IREB2: variants seen among roughly 807,000 people sequenced by gnomAD.
IREB2 encodes iron-responsive element-binding protein 2.
IREB2 carries 39 observed loss-of-function variants against 118.8 expected under a neutral mutation model. The observed-to-expected ratio is 0.33, with a 90% CI of 0.25 to 0.43. The LOEUF (loss-of-function observed/expected upper bound fraction) is 0.43. IREB2 is among the 20% of genes least tolerant of loss of function. The probability of loss-of-function intolerance (pLI) is 1.00; values close to 1 mark genes in which losing one functional copy is unlikely to be tolerated. For synonymous variants in IREB2, 372 were observed against 392.2 expected (o/e 0.95, Z 0.61); for missense variants, 900 against 1,147.3 (o/e 0.78, Z 3.11).
rs369597206 is a variant in IREB2 at position 78,497,172 on chromosome 15, A to G, written c.2642A>G (p.Asp881Gly). The G allele has an allele frequency of 1.9e-6, 3 of 1,613,948 alleles. No individual in the cohort carries two copies. Among genetic ancestry groups the G allele is most frequent in the Non-Finnish European group, 2.5e-6 (3 of 1,179,860 alleles). Residue 881 changes from aspartate (D) to glycine (G), a missense_variant, in exon 21 of 22, where the codon GAT (aspartate) becomes GGT (glycine). Coordinates refer to ENST00000258886, the MANE Select transcript of IREB2 (RefSeq NM_004136.4). ...GAAAGTTATGAAAAAATACACAAAG[A>G]TCATTTGATTGGAATTGGCATAGCT... is the stretch of plus-strand genomic sequence containing the variant. ...LAESYEKIHK[D>G]HLIGIGIAPL...
intron 16 of IREB2, among the ~76,000 whole-genome samples, chr15:78,489,596 G>A (rs556236455): frequency 1.3e-5 from 2 of 152,248 alleles, no homozygotes; most frequent in South Asian, 4.2e-4. Context: ...GCTCACTGCA[G>A]CCTTAACCTC....
At chr15:78,489,956 T>G (rs138171290) in intron 16 of IREB2, among the ~76,000 whole-genome samples, 1 of 152,228 alleles carries the variant, frequency 6.6e-6, no homozygotes, top group Admixed American at 6.5e-5. Context: ...TAGCAACATA[T>G]AGAAATCTTT....
intron 15 of IREB2, 122 bp from the exon 16 acceptor site, chr15:78,488,525 C>G (rs1250628567): frequency 2.9e-6 from 3 of 1,047,858 alleles, no homozygotes; most frequent in Non-Finnish European, 4.0e-6. Flanking sequence ...TTCTTCCAGC[C>G]GCTTAAGCCT....
At chr15:78,449,364 A>G (rs998437722) in intron 2 of IREB2, among the ~76,000 whole-genome samples, 1 of 152,198 alleles carries the variant, frequency 6.6e-6, no homozygotes, top group Non-Finnish European at 1.5e-5. Context: ...TCCAAAACCT[A>G]TGCTTGTAAA....
chr15:78,488,972 C>T (rs2051705940), intron 16 of IREB2, among the ~76,000 whole-genome samples: 2 of 152,130 alleles, frequency 1.3e-5, no homozygotes. Context: ...GTAATCCCGA[C>T]ACTTTGGGAG....
chr15:78,485,057 G>T, intron 12 of IREB2, 137 bp downstream of exon 12: 1 of 708,126 alleles, frequency 1.4e-6, no homozygotes, highest in Non-Finnish European at 2.2e-6. Context: ...TTTTAGTTAG[G>T]TCTTAAGGAG....
chr15:78,488,808 A>G (rs1397678315), intron 16 of IREB2, 37 bp downstream of exon 16: 3 of 1,225,642 alleles, frequency 2.4e-6, no homozygotes, highest in African/African-American at 3.1e-5. Context: ...AGTTTAATCA[A>G]TTTGCAGTGT....
chr15:78,473,170 G>GACT, intron 7 of IREB2, 72 bp from the exon 8 acceptor site: 1 of 1,395,092 alleles, frequency 7.2e-7, no homozygotes, highest in Non-Finnish European at 1.0e-6. Flanking sequence ...GAAACACCTA[G>GACT]AGATTCAGAT....
chr15:78,482,977 G>T (rs2051600618), intron 10 of IREB2, among the ~76,000 whole-genome samples: 1 of 152,064 alleles, frequency 6.6e-6, no homozygotes, highest in Non-Finnish European at 1.5e-5. Context: ...CTGACCTCGT[G>T]ACCTGCCCAC....
chr15:78,471,183 A>T (rs2051370761), intron 6 of IREB2, among the ~76,000 whole-genome samples: 1 of 150,778 alleles, frequency 6.6e-6, no homozygotes, highest in Non-Finnish European at 1.5e-5. Flanking sequence ...CTATTTTTGT[A>T]TTTTTAGTAG....
upstream of IREB2, chr15:78,438,088 T>G (rs2050780085): frequency 6.2e-6 from 3 of 481,494 alleles, no homozygotes; most frequent in South Asian, 6.3e-5. Flanking sequence ...GCGCGAGAAA[T>G]CGCTTTCTGG....
At chr15:78,463,193 C>T (rs1047361147) in intron 3 of IREB2, 106 bp downstream of exon 3, 96 of 916,518 alleles carry the variant, frequency 1.0e-4, no homozygotes, top group Non-Finnish European at 1.4e-4. Flanking sequence ...AATCCCAGTA[C>T]TTTGGGAGGC....
In IREB2 at chr15:78,439,819, A is replaced by C; in HGVS notation, c.44A>C (p.Glu15Ala). 1 of 1,596,552 alleles carries C rather than the reference A, an allele frequency of 6.3e-7. No individual in the cohort carries two copies. The highest frequency in any genetic ancestry group is 1.3e-5 in the African/African-American group (1 of 74,392). Residue 15 changes from glutamate (E) to alanine (A), a missense_variant, in exon 2 of 22, where the codon GAA (glutamate) becomes GCA (alanine). Transcript: ENST00000258886. ...KAGYAFEYLI[E>A]TLNDSSHKKF... ...GGATACGCCTTTGAGTACCTTATTG[A>C]AACATTAAATGACAGTTCACATAAG...
intron 2 of IREB2, among the ~76,000 whole-genome samples, chr15:78,446,808 C>T (rs1412382217): frequency 2.0e-5 from 3 of 151,998 alleles, no homozygotes; most frequent in African/African-American, 4.8e-5. Flanking sequence ...CACAGGCCAC[C>T]GAGAACTGTA....
intron 16 of IREB2, 148 bp downstream of exon 16, chr15:78,488,919 T>C (rs1192873642): frequency 3.7e-6 from 2 of 534,910 alleles, no homozygotes; most frequent in African/African-American, 4.0e-5. Flanking sequence ...CTGGAATCTG[T>C]AGTTAAAAAG....
chr15:78,465,571 C>A (rs2938674), intron 4 of IREB2, among the ~76,000 whole-genome samples, 183 bp downstream of exon 4: 35,493 of 151,962 alleles, frequency 0.23, 4,373 homozygotes, highest in South Asian at 0.35. Flanking sequence ...TTTTCATGTT[C>A]TTGTATTTCT....
chr15:78,490,885 T>G (rs2051739848), intron 18 of IREB2, 124 bp downstream of exon 18: 1 of 880,088 alleles, frequency 1.1e-6, no homozygotes, highest in South Asian at 1.9e-5. Flanking sequence ...TGACTGCCAA[T>G]GTGTTTGTCT....
intron 2 of IREB2, among the ~76,000 whole-genome samples, chr15:78,458,675 T>G (rs2051145943): frequency 1.3e-5 from 2 of 152,216 alleles, no homozygotes; most frequent in African/African-American, 4.8e-5. Flanking sequence ...CACCTGCCAC[T>G]GTTTCTAAAT....
chr15:78,470,944 C>G, intron 6 of IREB2: 2 of 158,054 alleles, frequency 1.3e-5, no homozygotes, highest in Non-Finnish European at 2.8e-5. Context: ...ATCTGCCTGC[C>G]TCGGCCCCCC....
Sources: gnomAD v4.1 joint callset for allele counts (sites outside exome capture counted in the v4.1 genomes callset) on GRCh38, gnomAD v4.1.1 for gene constraint, MANE v1.5 for transcripts, NCBI Gene and HGNC (gene_info 2026-07-23, HGNC 2026-07-21) for gene names.